ASTN1: variants seen among roughly 807,000 people sequenced by gnomAD.
The protein encoded by ASTN1 is astrotactin 1, also known as astrotactin-1.
A neutral mutation model predicts 140.7 loss-of-function variants in ASTN1; 41 were observed. The observed-to-expected ratio is 0.29, with a 90% confidence interval of 0.23 to 0.38. The LOEUF (loss-of-function observed/expected upper bound fraction) is 0.38. ASTN1 is among the 10% of genes least tolerant of loss of function. The pLI is 1.00. For missense variants in ASTN1, 1,479 were observed against 1,678.8 expected (o/e 0.88, Z 2.08); for synonymous variants, 640 against 652.2 (o/e 0.98, Z 0.29).
intron 1 of ASTN1, among the ~76,000 whole-genome samples, chr1:177,068,411 C>T (rs1571735851): frequency 6.6e-6 from 1 of 152,328 alleles, no homozygotes; most frequent in Non-Finnish European, 1.5e-5. Flanking sequence ...GAAATATCCA[C>T]TTGTGACTAG....
chr1:176,904,248 C>T (rs1669890063), intron 16 of ASTN1, among the ~76,000 whole-genome samples: 1 of 152,154 alleles, frequency 6.6e-6, no homozygotes, highest in Admixed American at 6.5e-5. Context: ...TGCAGTCCAT[C>T]CCCTCAGCTT....
At chr1:177,135,154 A>G (rs967856199) in intron 1 of ASTN1, among the ~76,000 whole-genome samples, 10 of 152,144 alleles carry the variant, frequency 6.6e-5, no homozygotes, top group African/African-American at 2.4e-4. Context: ...CTCAGCAGCA[A>G]GAAATGTCAA....
In ASTN1 at chr1:177,107,906, C is replaced by T. The variant is rs114897447; in HGVS notation, c.284-46641G>A. Among the ~76,000 whole-genome samples, 1,346 of 152,116 alleles carry T rather than the reference C, an allele frequency of 8.8e-3. 18 individuals carry two copies. Among genetic ancestry groups the T allele is most frequent in the African/African-American group, 0.031 (1,279 of 41,478 alleles). ...AAAAAAGGAGAATGGAAAGCAATAA[C>T]CTATTGTTGGGAGGATACTTTTTTT... is the stretch of plus-strand genomic sequence containing the variant. On this transcript the variant is annotated intron_variant, in intron 1 of 22. Coordinates refer to ENST00000361833, the MANE Select transcript of ASTN1 (RefSeq NM_004319.3).
At chr1:176,877,776 T>C (rs1668624684) in intron 20 of ASTN1, among the ~76,000 whole-genome samples, 5 of 152,190 alleles carry the variant, frequency 3.3e-5, no homozygotes, top group African/African-American at 1.2e-4. Flanking sequence ...GCTGCATTTA[T>C]TGGCAATTAT....
rs755100127 is a variant in ASTN1, at chr1:176,863,256, A to G, written c.*1028T>C. 2.9e-4 allele frequency: 283 copies of G among 985,792 alleles called. No individual in the cohort carries two copies. Among genetic ancestry groups the G allele is most frequent in the Non-Finnish European group, 3.3e-4 (270 of 829,944 alleles). 61.1% of individuals were successfully genotyped at this position (985,792 alleles called of 1,614,324 possible). On this transcript the variant is annotated 3_prime_UTR_variant, in exon 23 of 23. Transcript: ENST00000361833. Reference sequence around the variant, plus strand: ...CAAATTTAGCAAGGTGGGGATGAACAGAAGTTTTTTGTGATCAATAATAGC... The same window carrying G: ...CAAATTTAGCAAGGTGGGGATGAACGGAAGTTTTTTGTGATCAATAATAGC...
chr1:176,989,379 T>G (rs1335454131), intron 8 of ASTN1, among the ~76,000 whole-genome samples: 1 of 152,240 alleles, frequency 6.6e-6, no homozygotes. Flanking sequence ...CAAGGAGATA[T>G]TTTTTCTTCT....
intron 21 of ASTN1, among the ~76,000 whole-genome samples, chr1:176,873,991 C>T (rs1668460019): frequency 6.6e-6 from 1 of 152,150 alleles, no homozygotes; most frequent in South Asian, 2.1e-4. Context: ...CTATCCATCC[C>T]TGTAGGTAGC....
At chr1:177,100,386 G>T (rs529517787) in intron 1 of ASTN1, among the ~76,000 whole-genome samples, 1 of 152,198 alleles carries the variant, frequency 6.6e-6, no homozygotes, top group South Asian at 2.1e-4. Flanking sequence ...ACAAGTGACA[G>T]CTCCTAGTCA....
intron 8 of ASTN1, among the ~76,000 whole-genome samples, chr1:176,972,184 A>G (rs1259059891): frequency 3.9e-5 from 6 of 152,226 alleles, no homozygotes; most frequent in Admixed American, 3.3e-4. Context: ...ACACTGTTGT[A>G]CATGTGGTCC....
At chr1:176,932,135 G>A (rs1423755756) in intron 16 of ASTN1, among the ~76,000 whole-genome samples, 2 of 152,070 alleles carry the variant, frequency 1.3e-5, no homozygotes, top group Non-Finnish European at 2.9e-5. Flanking sequence ...CGTAATTTTA[G>A]GTATCTAGTC....
intron 8 of ASTN1, among the ~76,000 whole-genome samples, chr1:176,981,167 G>A (rs989586905): frequency 6.9e-4 from 82 of 119,700 alleles, no homozygotes; most frequent in African/African-American, 2.5e-3. Flanking sequence ...AGCCAAGATT[G>A]CACCACTCAA....
intron 1 of ASTN1, among the ~76,000 whole-genome samples, chr1:177,117,936 T>C (rs1378080524): frequency 1.3e-5 from 2 of 152,354 alleles, no homozygotes; most frequent in Admixed American, 1.3e-4. Context: ...GTTTATGACA[T>C]GTTTATTTAT....
chr1:176,949,482 T>C, intron 11 of ASTN1, 131 bp from the exon 12 acceptor site: 1 of 1,048,152 alleles, frequency 9.5e-7, no homozygotes, highest in African/African-American at 1.6e-5. Flanking sequence ...AAGTAATCCA[T>C]GAATTTCCTA....
chr1:177,032,864 C>T lies in ASTN1; in HGVS notation c.472-15G>A, dbSNP rs1676519274. ...ATCATGCCACCCTAGGAAGAGAGGACCACAGATGGATGTGGGAAGATGGGT... is the reference window on the plus strand; with the variant it reads ...ATCATGCCACCCTAGGAAGAGAGGATCACAGATGGATGTGGGAAGATGGGT... On this transcript the variant is annotated splice_polypyrimidine_tract_variant and intron_variant, in intron 2 of 22. Transcript: ENST00000361833. The T allele has an allele frequency of 1.3e-6, 2 of 1,574,516 alleles. No homozygotes were observed. Among genetic ancestry groups the T allele is most frequent in the African/African-American group, 1.3e-5 (1 of 74,450 alleles).
At chr1:176,860,315 G>A (rs1557916063), downstream of ASTN1, among the ~76,000 whole-genome samples, 1 of 152,238 alleles carries the variant, frequency 6.6e-6, no homozygotes, top group Non-Finnish European at 1.5e-5. Context: ...AACTGCTACA[G>A]TCATCATCTT....
In ASTN1 at chr1:176,862,478, G is replaced by A. The variant is rs1668001903; in HGVS notation, c.*1806C>T. 1.5e-5 allele frequency: 15 copies of A among 985,338 alleles called. No homozygotes were observed. Among genetic ancestry groups the A allele is most frequent in the African/African-American group, 3.5e-5 (2 of 57,244 alleles). 61.0% of individuals were successfully genotyped at this position (985,338 alleles called of 1,614,324 possible). ...CAGAGGACATGTCCATGCCACAGAT[G>A]CTTGGGAAAGGTAAAGCTCTCTGGG... On this transcript the variant is annotated 3_prime_UTR_variant, in exon 23 of 23. Coordinates refer to ENST00000361833, the MANE Select transcript of ASTN1 (RefSeq NM_004319.3).
Position 177,023,442 on chromosome 1 carries a change from A to G in ASTN1, c.1400T>C (p.Leu467Pro), listed in dbSNP as rs1214729923. ...ACATTGGTGTTCACAGGGGTCCAGG[A>G]GCCGCCGGGCACAGAGGTCCATGGC... is the stretch of plus-strand genomic sequence containing the variant. Reference protein sequence around the residue: ...PWAMDLCARRLLDPCEHQCDP... With the variant: ...PWAMDLCARRPLDPCEHQCDP... Residue 467 changes from leucine (L) to proline (P), a missense_variant, in exon 7 of 23, where the codon CTC becomes CCC. Coordinates refer to ENST00000361833, the MANE Select transcript of ASTN1 (RefSeq NM_004319.3). 1.2e-6 allele frequency: 2 copies of G among 1,604,382 alleles called. No homozygotes were observed. The highest frequency in any genetic ancestry group is 1.7e-6 in the Non-Finnish European group (2 of 1,175,732).
At chr1:177,001,234 A>G (rs1216126545) in intron 8 of ASTN1, among the ~76,000 whole-genome samples, 5 of 152,228 alleles carry the variant, frequency 3.3e-5, no homozygotes, top group Non-Finnish European at 7.3e-5. Context: ...GCAATTTTAC[A>G]TAAGAGACAT....
At chr1:177,028,981 C>G (rs910685801) in intron 5 of ASTN1, among the ~76,000 whole-genome samples, 1 of 152,106 alleles carries the variant, frequency 6.6e-6, no homozygotes. Flanking sequence ...GGAGCTGTGG[C>G]CGGAATAGCC....
Sources: allele counts gnomAD v4.1 joint callset (sites outside exome capture counted in the v4.1 genomes callset), GRCh38; gene constraint gnomAD v4.1.1; transcripts MANE v1.5; gene names NCBI Gene and HGNC (gene_info 2026-07-23, HGNC 2026-07-21).